The following SUGCT variants were observed in gnomAD, a reference collection of about 807,000 sequenced individuals.
SUGCT encodes succinyl-CoA:glutarate-CoA transferase.
In SUGCT, 41 loss-of-function variants were observed where a neutral mutation model predicts 55.0. The ratio of observed to expected loss-of-function variants is 0.74; its 90% CI spans 0.58 to 0.97. The LOEUF (loss-of-function observed/expected upper bound fraction) is 0.97. SUGCT is among the 50% of genes least tolerant of loss of function. The pLI is 0.00. For synonymous variants in SUGCT, 187 were observed against 200.4 expected (o/e 0.93, Z 0.56); for missense variants, 568 against 547.8 (o/e 1.04, Z -0.37).
At chr7:41,022,994 G>C in the SUGCT span, among the ~76,000 whole-genome samples, 1 of 152,072 alleles carries the variant, frequency 6.6e-6, no homozygotes. Flanking sequence ...TCTTCATCCT[G>C]GACTCATGAT....
intron 8 of SUGCT, among the ~76,000 whole-genome samples, chr7:40,316,462 G>A (rs1051835480): frequency 3.9e-5 from 6 of 152,102 alleles, no homozygotes; most frequent in African/African-American, 9.7e-5. Context: ...GAGGATAAAG[G>A]CCAGACCACG....
At chr7:40,190,480 T>G (rs1003744168) in intron 5 of SUGCT, among the ~76,000 whole-genome samples, 2 of 152,108 alleles carry the variant, frequency 1.3e-5, no homozygotes, top group African/African-American at 4.8e-5. Flanking sequence ...AACTCCTTAC[T>G]TCAAGTGATC....
chr7:40,801,397 C>T (rs1185449543), intron 13 of SUGCT, among the ~76,000 whole-genome samples: 1 of 152,172 alleles, frequency 6.6e-6, no homozygotes, highest in Non-Finnish European at 1.5e-5. Context: ...GCCTTATTCT[C>T]ATAGGCTTGG....
chr7:40,502,860 TA>T lies in SUGCT; in HGVS notation c.1089+6475del, dbSNP rs1260839931. Among the ~76,000 whole-genome samples the T allele has an allele frequency of 2.6e-5, 4 of 152,284 alleles. No homozygotes were observed. In the East Asian group the frequency reaches 7.7e-4, roughly 29 times the overall value. ...TCCAACTAAATTTAACATATAATTT[TA>T]GACTTAATATCATCATAGTATTTGC... On this transcript the variant is annotated intron_variant, in intron 12 of 13. Coordinates refer to ENST00000335693, the MANE Select transcript of SUGCT (RefSeq NM_001193313.2).
intron 8 of SUGCT, among the ~76,000 whole-genome samples, chr7:40,300,445 T>C (rs571288107): frequency 1.6e-3 from 237 of 152,322 alleles, no homozygotes; most frequent in Middle Eastern, 0.01. Flanking sequence ...ATGGAAGATA[T>C]GGCTAAGATA....
the SUGCT span, among the ~76,000 whole-genome samples, chr7:41,024,609 G>C: frequency 7.1e-6 from 1 of 141,768 alleles, no homozygotes; most frequent in Non-Finnish European, 1.5e-5. Context: ...TAGTGACAGG[G>C]AAATGAAGAT....
At chr7:40,866,611 A>C in the SUGCT span, among the ~76,000 whole-genome samples, 6 of 151,800 alleles carry the variant, frequency 4.0e-5, no homozygotes, top group Non-Finnish European at 7.4e-5. Context: ...AGACTACAGC[A>C]GACTGAAGCC....
At chr7:40,393,551 A>G (rs1261382963) in intron 9 of SUGCT, among the ~76,000 whole-genome samples, 8 of 152,066 alleles carry the variant, frequency 5.3e-5, no homozygotes, top group East Asian at 3.9e-4. Flanking sequence ...GTAGCTACAG[A>G]TGGAGTTTTT....
At chr7:40,180,912 T>C (rs1785158878) in intron 1 of SUGCT, 35 bp from the exon 2 acceptor site, 2 of 1,478,282 alleles carry the variant, frequency 1.4e-6, no homozygotes, top group African/African-American at 2.8e-5. Context: ...AAATTACTAA[T>C]GAATTATCTT....
chr7:40,465,464 G>C (rs1790051026), intron 11 of SUGCT, among the ~76,000 whole-genome samples: 1 of 152,046 alleles, frequency 6.6e-6, no homozygotes, highest in Non-Finnish European at 1.5e-5. Context: ...ACAAAAATTA[G>C]CTGGGTGTGG....
the SUGCT span, among the ~76,000 whole-genome samples, chr7:40,989,951 G>C: frequency 2.4e-3 from 366 of 152,238 alleles, 1 homozygote; most frequent in African/African-American, 8.5e-3. Flanking sequence ...TCATTCATGA[G>C]GGTTGGAATC....
At chr7:40,916,569 T>C in the SUGCT span, among the ~76,000 whole-genome samples, 1 of 152,188 alleles carries the variant, frequency 6.6e-6, no homozygotes, top group South Asian at 2.1e-4. Flanking sequence ...GGTAATAGCA[T>C]CCTATCATAA....
chr7:40,501,745 C>T (rs529113051), intron 12 of SUGCT, among the ~76,000 whole-genome samples: 1 of 152,122 alleles, frequency 6.6e-6, no homozygotes, highest in East Asian at 1.9e-4. Context: ...ATCAAGAGGA[C>T]AAAGCTGTCA....
At chr7:40,813,371 G>A (rs1416726761) in intron 13 of SUGCT, among the ~76,000 whole-genome samples, 1 of 151,938 alleles carries the variant, frequency 6.6e-6, no homozygotes, top group Non-Finnish European at 1.5e-5. Flanking sequence ...AAAAGTACTT[G>A]TTTTATGAAT....
intron 1 of SUGCT, among the ~76,000 whole-genome samples, chr7:40,140,051 C>T (rs148660314): frequency 5.9e-5 from 9 of 151,968 alleles, no homozygotes; most frequent in Admixed American, 4.6e-4. Context: ...TACAGGCATG[C>T]GCCACCATGC....
At chr7:40,850,559 A>AT (rs1793801064) in intron 13 of SUGCT, among the ~76,000 whole-genome samples, 1 of 152,180 alleles carries the variant, frequency 6.6e-6, no homozygotes, top group South Asian at 2.1e-4. Flanking sequence ...GTACTTATAA[A>AT]GAGTGTGGCT....
At chr7:40,769,710 G>A (rs940074498) in intron 13 of SUGCT, among the ~76,000 whole-genome samples, 1 of 152,174 alleles carries the variant, frequency 6.6e-6, no homozygotes, top group African/African-American at 2.4e-5. Context: ...TCAAACTTCT[G>A]ACCTCCAGAG....
chr7:40,247,708 T>C (rs1789998269), intron 7 of SUGCT, among the ~76,000 whole-genome samples: 1 of 152,186 alleles, frequency 6.6e-6, no homozygotes, highest in Non-Finnish European at 1.5e-5. Context: ...CTTTCCTTTG[T>C]TTTTATTGGA....
chr7:40,836,465 T>A (rs1221239455), intron 13 of SUGCT, among the ~76,000 whole-genome samples: 1 of 152,138 alleles, frequency 6.6e-6, no homozygotes, highest in African/African-American at 2.4e-5. Flanking sequence ...TTTATGCGAC[T>A]CATTGTGTGG....
Sources: gnomAD v4.1 joint callset for allele counts (sites outside exome capture counted in the v4.1 genomes callset) on GRCh38, gnomAD v4.1.1 for gene constraint, MANE v1.5 for transcripts, NCBI Gene and HGNC (gene_info 2026-07-23, HGNC 2026-07-21) for gene names.